The following SOX5 variants were observed in gnomAD, a reference collection of about 807,000 sequenced individuals.
The protein encoded by SOX5 is transcription factor SOX-5.
SOX5 carries 9 observed loss-of-function variants against 92.0 expected under a neutral mutation model. The observed-to-expected ratio is 0.10, with a 90% CI of 0.06 to 0.17. SOX5 has a LOEUF of 0.17. Among genes scored for constraint, SOX5 ranks in the 10% least tolerant of loss-of-function variants. SOX5 has a pLI of 1.00. For synonymous variants in SOX5, 344 were observed against 336.3 expected (o/e 1.02, Z -0.25); for missense variants, 642 against 944.5 (o/e 0.68, Z 4.20).
intron 4 of SOX5, among the ~76,000 whole-genome samples, chr12:24,180,993 G>A (rs767261937): frequency 1.7e-4 from 26 of 152,100 alleles, no homozygotes; most frequent in African/African-American, 5.8e-4. Flanking sequence ...AATGATTCTG[G>A]TGTTTAAAGA....
At chr12:23,851,039 A>T (rs2096628154) in intron 2 of SOX5, among the ~76,000 whole-genome samples, 1 of 152,130 alleles carries the variant, frequency 6.6e-6, no homozygotes, top group Non-Finnish European at 1.5e-5. Flanking sequence ...TCAGCTCATC[A>T]GTATAGACAA....
At chr12:23,710,545 C>A (rs2091945941) in intron 6 of SOX5, among the ~76,000 whole-genome samples, 1 of 152,118 alleles carries the variant, frequency 6.6e-6, no homozygotes, top group Non-Finnish European at 1.5e-5. Context: ...CCAGCTTCAT[C>A]CATGTCCCCA....
intron 4 of SOX5, among the ~76,000 whole-genome samples, chr12:24,124,724 C>T (rs1374652713): frequency 6.6e-6 from 1 of 152,094 alleles, no homozygotes; most frequent in Non-Finnish European, 1.5e-5. Flanking sequence ...GACTAATGGA[C>T]TAATTGGAAT....
intron 4 of SOX5, among the ~76,000 whole-genome samples, chr12:24,148,688 T>TAAAAAAAAAAAAAAAAAAA (rs398018872): frequency 2.8e-5 from 2 of 70,952 alleles, no homozygotes; most frequent in Admixed American, 1.8e-4. Context: ...CCATCTCTAC[T>TAAAAAAAAAAAAAAAAAAA]AAAAAAAAAA....
At chr12:23,545,175 G>T (rs1401394975) in intron 12 of SOX5, among the ~76,000 whole-genome samples, 1 of 152,184 alleles carries the variant, frequency 6.6e-6, no homozygotes, top group Non-Finnish European at 1.5e-5. Context: ...AAGGCACAGA[G>T]TAAACAGTTG....
chr12:24,501,906 G>C (rs561325702), intron 1 of SOX5, among the ~76,000 whole-genome samples: 1 of 152,064 alleles, frequency 6.6e-6, no homozygotes, highest in Admixed American at 6.5e-5. Flanking sequence ...AAAAAAGAAA[G>C]AAATTAATTG....
At chr12:24,196,671 A>G (rs1016835113) in intron 4 of SOX5, among the ~76,000 whole-genome samples, 12 of 152,192 alleles carry the variant, frequency 7.9e-5, no homozygotes, top group African/African-American at 2.9e-4. Context: ...TGGGAGGCCA[A>G]TGAGGGCTGT....
chr12:24,176,995 T>G (rs1954893162), intron 4 of SOX5, among the ~76,000 whole-genome samples: 1 of 109,856 alleles, frequency 9.1e-6, no homozygotes, highest in Non-Finnish European at 1.9e-5. Flanking sequence ...TTTTTTTTTT[T>G]GTCATCAATT....
intron 1 of SOX5, among the ~76,000 whole-genome samples, chr12:24,561,334 A>G (rs904889067): frequency 1.3e-5 from 2 of 152,204 alleles, no homozygotes; most frequent in South Asian, 2.1e-4. Context: ...CACAGAAACC[A>G]GCGTCTTCAG....
chr12:23,701,998 T>C (rs2090702689), intron 6 of SOX5, among the ~76,000 whole-genome samples: 1 of 152,030 alleles, frequency 6.6e-6, no homozygotes, highest in Non-Finnish European at 1.5e-5. Flanking sequence ...AGTAGCAAAA[T>C]GTCGATGCTA....
intron 3 of SOX5, among the ~76,000 whole-genome samples, chr12:23,760,408 C>T (rs758875730): frequency 2.2e-4 from 33 of 152,060 alleles, no homozygotes; most frequent in East Asian, 7.8e-4. Flanking sequence ...GGAAATAGGA[C>T]GGATATAAGA....
Position 24,156,039 on chromosome 12 carries a change from G to A in SOX5, c.-2+57304C>T, listed in dbSNP as rs549137345. Among the ~76,000 whole-genome samples the A allele has an allele frequency of 1.5e-3, 223 of 152,260 alleles. 2 individuals are homozygous for A. The highest frequency in any genetic ancestry group is 9.7e-4 in the Non-Finnish European group (66 of 68,002). On this transcript the variant is annotated intron_variant, in intron 4 of 4. Coordinates refer to the SOX5 transcript ENST00000446891. ...AGCACCCAACTCCCAGTGGCTATGG[G>A]CCTTGTTTCTCGTGCTTAGCACTGT...
chr12:24,055,115 T>C (rs1957970013), intron 4 of SOX5, among the ~76,000 whole-genome samples: 1 of 152,196 alleles, frequency 6.6e-6, no homozygotes, highest in South Asian at 2.1e-4. Context: ...CTGGACATCT[T>C]AACATAAAAA....
intron 4 of SOX5, among the ~76,000 whole-genome samples, chr12:24,185,286 A>G (rs1309114507): frequency 2.0e-5 from 3 of 152,104 alleles, no homozygotes; most frequent in Non-Finnish European, 2.9e-5. Context: ...CCTAGAATAG[A>G]TATCACTTAA....
chr12:24,561,192 A>C (rs1301225359), intron 1 of SOX5, among the ~76,000 whole-genome samples: 2 of 152,226 alleles, frequency 1.3e-5, no homozygotes, highest in Non-Finnish European at 2.9e-5. Flanking sequence ...ACTGCCACCC[A>C]GAGTGCCTGG....
At chr12:24,016,795 G>C (rs954931295) in intron 4 of SOX5, among the ~76,000 whole-genome samples, 5 of 152,094 alleles carry the variant, frequency 3.3e-5, no homozygotes, top group Admixed American at 6.6e-5. Context: ...CAGAGAAAGA[G>C]AGCAAAAGGC....
intron 14 of SOX5, among the ~76,000 whole-genome samples, chr12:23,535,711 T>C (rs1479356545): frequency 6.6e-6 from 1 of 152,198 alleles, no homozygotes. Context: ...ACAGAGCAGA[T>C]TTGGAAAGGT....
At chr12:23,925,497 A>G (rs1254346039) in intron 1 of SOX5, among the ~76,000 whole-genome samples, 1 of 152,106 alleles carries the variant, frequency 6.6e-6, no homozygotes, top group Non-Finnish European at 1.5e-5. Context: ...TGCCAGAAAA[A>G]GTATTTTCCT....
chr12:23,906,118 A>G (rs2097290948), intron 1 of SOX5, among the ~76,000 whole-genome samples: 1 of 152,202 alleles, frequency 6.6e-6, no homozygotes, highest in South Asian at 2.1e-4. Flanking sequence ...CAAGTCCAAT[A>G]GGAGCATTTT....
Sources: gnomAD v4.1 joint callset for allele counts (sites outside exome capture counted in the v4.1 genomes callset) on GRCh38, gnomAD v4.1.1 for gene constraint, MANE v1.5 for transcripts, NCBI Gene and HGNC (gene_info 2026-07-23, HGNC 2026-07-21) for gene names.